Variants in SHROOM2 observed in about 807,000 individuals in gnomAD.
SHROOM2 encodes shroom family member 2, also known as protein Shroom2.
Under a neutral mutation model 75.9 loss-of-function variants are expected in SHROOM2, and 33 were observed. That is an observed-to-expected ratio of 0.43 (90% CI 0.33 to 0.58). SHROOM2 has a LOEUF of 0.58. Among genes scored for constraint, SHROOM2 ranks in the 20% least tolerant of loss-of-function variants. The pLI, the probability that SHROOM2 is intolerant of heterozygous loss-of-function variation, is 0.04. For missense variants in SHROOM2, 1,434 were observed against 1,461.2 expected (o/e 0.98, Z 0.30); for synonymous variants, 655 against 663.6 (o/e 0.99, Z 0.20).
chrX:9,937,043 T>G, intron 6 of SHROOM2, 91 bp from the exon 7 acceptor site: 1 of 939,925 alleles, frequency 1.1e-6, no homozygotes, highest in Non-Finnish European at 1.4e-6. Context: ...TTGAGTCAGG[T>G]TCCCATCCAG....
intron 1 of SHROOM2, among the ~76,000 whole-genome samples, chrX:9,802,282 C>T (rs1275772418): frequency 6.3e-5 from 7 of 111,478 alleles, no homozygotes; most frequent in Non-Finnish European, 9.4e-5. Context: ...TCAGCATATC[C>T]GCATCACCTG....
chrX:9,912,601 G>C (rs751879027), intron 5 of SHROOM2: 1 of 111,731 alleles, frequency 9.0e-6, no homozygotes, highest in East Asian at 2.8e-4. Flanking sequence ...AGCAGAGCCG[G>C]GTAAGGGACC....
chrX:9,945,681 G>A (rs1281858173), intron 9 of SHROOM2, among the ~76,000 whole-genome samples: 3 of 111,529 alleles, frequency 2.7e-5, no homozygotes, highest in Non-Finnish European at 3.8e-5. Flanking sequence ...TTTTCTTGTG[G>A]TGGTTGTAGC....
chrX:9,945,476 G>A (rs2084810406), intron 9 of SHROOM2, among the ~76,000 whole-genome samples: 1 of 111,519 alleles, frequency 9.0e-6, no homozygotes, highest in Admixed American at 9.6e-5. Flanking sequence ...TCATTGGACT[G>A]CAGGGTTGCG....
At chrX:9,875,110 A>AAAAAAAAAAAAAAAAAAAAAAAAAT (rs2084192753) in intron 2 of SHROOM2, among the ~76,000 whole-genome samples, 1 of 93,116 alleles carries the variant, frequency 1.1e-5, no homozygotes, top group Non-Finnish European at 2.1e-5. Flanking sequence ...AAAAAAAAAA[A>AAAAAAAAAAAAAAAAAAAAAAAAAT]GGGGAGGAAG....
At chrX:9,807,572 C>T (rs1290997079) in intron 1 of SHROOM2, among the ~76,000 whole-genome samples, 1 of 112,120 alleles carries the variant, frequency 8.9e-6, no homozygotes, top group East Asian at 2.8e-4. Context: ...CTGTGCTGTG[C>T]CACGGAAATA....
At chrX:9,942,349 G>A (rs963653709) in intron 8 of SHROOM2, among the ~76,000 whole-genome samples, 5 of 111,369 alleles carry the variant, frequency 4.5e-5, no homozygotes, top group African/African-American at 1.6e-4. Context: ...ACACCAGCTG[G>A]GTGGCCTCTG....
chrX:9,797,683 C>G (rs1601910870), intron 1 of SHROOM2, among the ~76,000 whole-genome samples: 1 of 112,079 alleles, frequency 8.9e-6, no homozygotes, highest in Admixed American at 9.4e-5. Context: ...ACCCCCACCC[C>G]CCACTTGCTC....
At chrX:9,915,819 G>A (rs891867444) in intron 5 of SHROOM2, among the ~76,000 whole-genome samples, 1 of 112,358 alleles carries the variant, frequency 8.9e-6, no homozygotes, top group Non-Finnish European at 1.9e-5. Flanking sequence ...GTTCAGCTGA[G>A]TTAGAAGATA....
At chrX:9,920,004 C>T (rs946742479) in intron 5 of SHROOM2, among the ~76,000 whole-genome samples, 1 of 111,983 alleles carries the variant, frequency 8.9e-6, no homozygotes, top group Non-Finnish European at 1.9e-5. Context: ...TACAACTCAT[C>T]AGACATCTCA....
chrX:9,807,175 G>T (rs952370885), intron 1 of SHROOM2, among the ~76,000 whole-genome samples: 33 of 112,030 alleles, frequency 2.9e-4, no homozygotes, highest in African/African-American at 7.8e-4. Context: ...TCTGAGCCTG[G>T]ATGATCCCCC....
In SHROOM2 at chrX:9,880,393, C is replaced by T. The variant is rs749828778; in HGVS notation, c.317+6590C>T. Among the ~76,000 whole-genome samples, 7 of 113,459 alleles carry T rather than the reference C, an allele frequency of 6.2e-5. No individual in the cohort carries two copies. The South Asian group carries it at 1.4e-3, about 23-fold the overall frequency. On this transcript the variant is annotated intron_variant, in intron 2 of 9. Coordinates refer to ENST00000380913, the MANE Select transcript of SHROOM2 (RefSeq NM_001649.4). ...GAGCGGGTCCCCTCTCTGTCCATCC[C>T]GTCCTTGGCTGTGGTGGCACTGGCA...
At chrX:9,817,764 G>C (rs992037608) in intron 1 of SHROOM2, among the ~76,000 whole-genome samples, 1 of 111,879 alleles carries the variant, frequency 8.9e-6, no homozygotes. Context: ...GCTGAATAAG[G>C]TAATTACAAA....
Position 9,894,965 on chromosome X carries a change from G to T in SHROOM2, c.1057G>T (p.Ala353Ser). 8.3e-7 allele frequency: 1 copy of T among 1,210,815 alleles called. No individual in the cohort carries two copies. The change falls in exon 4 of 10, where the codon GCC (alanine) becomes TCC (serine). Residue 353 changes from alanine (A) to serine (S), a missense_variant. Physicochemically the swap from Ala to Ser is moderately conservative, Grantham distance 99 (BLOSUM62 1). Around this residue, in one of 3 missense-constraint regions of SHROOM2, gnomAD observed 1,340 missense variants for 1,338.3 expected, o/e 1.00. Transcript: ENST00000380913. The stretch of plus-strand genomic sequence containing the variant: ...TGCGGCACAGCACTTTACGGCCCTG[G>T]CCCAGGCTCAGCCTCGTGGTGACCG... ...AAAAQHFTAL[A>S]QAQPRGDRRP...
chrX:9,878,917 G>A (rs1413331797), intron 2 of SHROOM2, among the ~76,000 whole-genome samples: 1 of 111,619 alleles, frequency 9.0e-6, no homozygotes, highest in Non-Finnish European at 1.9e-5. Flanking sequence ...GAGCATTTGG[G>A]GTCTAATGGC....
At chrX:9,794,827 C>G (rs73473838) in intron 1 of SHROOM2, among the ~76,000 whole-genome samples, 2,202 of 112,077 alleles carry the variant, frequency 0.02, 44 homozygotes, top group African/African-American at 0.068. Flanking sequence ...ATCCTTGATT[C>G]ATCCCTCAAA....
In SHROOM2 at chrX:9,899,759, C is replaced by T. The variant is rs746359246; in HGVS notation, c.2891+1469C>T. ...AGAATTTAGCTGTGTCTGAGAAGCA[C>T]AATTAGAGCTTTATGACTGTGGATT... On this transcript the variant is annotated intron_variant, in intron 5 of 9. Transcript: ENST00000380913. 2.7e-5 allele frequency among the ~76,000 whole-genome samples: 3 copies of T among 112,437 alleles called. No homozygotes were observed. The East Asian group carries it at 8.4e-4, about 31-fold the overall frequency.
rs778709802 is a variant in SHROOM2 at position 9,909,929 on chromosome X, GTC to G, written c.2891+11645_2891+11646del. Among the ~76,000 whole-genome samples the G allele has an allele frequency of 4.5e-5, 5 of 111,864 alleles. No individual in the cohort carries two copies. In the South Asian group the frequency reaches 1.5e-3, roughly 34 times the overall value. ...GGTGCTTTCTGGCTCACAAATGGCT[GTC>G]TCTCTGCTGCGTCCTCACATGATGG... On this transcript the variant is annotated intron_variant, in intron 5 of 9. Transcript: ENST00000380913.
intron 1 of SHROOM2, among the ~76,000 whole-genome samples, chrX:9,848,878 T>C (rs1475274503): frequency 9.0e-6 from 1 of 111,419 alleles, no homozygotes; most frequent in Non-Finnish European, 1.9e-5. Context: ...AACATTGTGT[T>C]ATGAACTCCT....
Sources: allele counts gnomAD v4.1 joint callset (sites outside exome capture counted in the v4.1 genomes callset), GRCh38; gene constraint gnomAD v4.1.1; regional missense constraint gnomAD v4.1.1; transcripts MANE v1.5; gene names NCBI Gene and HGNC (gene_info 2026-07-23, HGNC 2026-07-21).